The following CTSH variants were observed in gnomAD, a reference collection of about 807,000 sequenced individuals.
CTSH encodes cathepsin H.
A neutral mutation model predicts 56.3 loss-of-function variants in CTSH; 52 were observed. The observed-to-expected ratio is 0.92, with a 90% confidence interval of 0.74 to 1.16. The LOEUF (loss-of-function observed/expected upper bound fraction) is 1.16. CTSH is among the 50% of genes most tolerant of loss of function. The pLI is 0.00. For synonymous variants in CTSH, 174 were observed against 155.7 expected, an observed-to-expected ratio of 1.12 and a Z score of -0.88; for missense variants, 406 against 424.5, an observed-to-expected ratio of 0.96 and a Z score of 0.38.
chr15:78,928,584 AAAAAAG>A (rs58320931), intron 8 of CTSH, among the ~76,000 whole-genome samples: 13,131 of 141,494 alleles, frequency 0.093, 611 homozygotes, highest in East Asian at 0.19. Flanking sequence ...AAAAAAAAAA[AAAAAAG>A]AAGGGAGAGT....
At chr15:78,924,854 T>C (rs1483431051) in intron 10 of CTSH, among the ~76,000 whole-genome samples, 1 of 140,476 alleles carries the variant, frequency 7.1e-6, no homozygotes, top group Non-Finnish European at 1.5e-5. Flanking sequence ...CACGCTGGCT[T>C]TTTTTTTTTT....
Position 78,941,664 on chromosome 15 carries a change from C to T in CTSH, c.92-2493G>A, listed in dbSNP as rs540529931. On this transcript the variant is annotated intron_variant, in intron 1 of 11. Transcript: ENST00000220166. ...AAAACAAATTAGCCGGGCGTGGTGGCGGGCGCCTGCAGTCCCAGCTACTCA... is the reference window on the plus strand; with the variant it reads ...AAAACAAATTAGCCGGGCGTGGTGGTGGGCGCCTGCAGTCCCAGCTACTCA... Among the ~76,000 whole-genome samples the T allele has an allele frequency of 5.9e-5, 9 of 151,690 alleles. No individual in the cohort carries two copies. In the South Asian group the frequency reaches 6.2e-4, roughly 11 times the overall value.
rs540838107 is a variant in CTSH, at chr15:78,945,041, T to C, written c.-60A>G. 8 of 1,323,892 alleles carry C rather than the reference T, an allele frequency of 6.0e-6. No individual in the cohort carries two copies. Among genetic ancestry groups the C allele is most frequent in the East Asian group, 3.3e-5 (1 of 30,006 alleles). 82.0% of individuals were successfully genotyped at this position (1,323,892 alleles called of 1,614,324 possible). On this transcript the variant is annotated 5_prime_UTR_variant, in exon 1 of 12. Transcript: ENST00000220166. The stretch of plus-strand genomic sequence containing the variant: ...TCCGCGGAGGTGGCGGCCCAGAGCG[T>C]CAACTGGGAGCGCGGGGGGGGAGCG...
At position 78,924,686 on chromosome 15, in the gene CTSH, A is replaced by G. The variant is rs145416677; in HGVS notation, c.806+648T>C. On this transcript the variant is annotated intron_variant, in intron 10 of 11. Transcript: ENST00000220166. The stretch of plus-strand genomic sequence containing the variant: ...ATTTTACGTCTTCAAATCTTTAAAC[A>G]TGGGTATTTTTTTTTTTTTCTGAGA... 7.7e-5 allele frequency among the ~76,000 whole-genome samples: 10 copies of G among 129,904 alleles called. No homozygotes were observed. The East Asian group carries it at 1.9e-3, about 25-fold the overall frequency. The allele number at this position is 129,904 out of a possible 152,430, so 85.2% of individuals were successfully genotyped here. A position where few individuals can be genotyped will look rare whatever the true frequency, so the allele number is the denominator to read the frequency against.
At position 78,935,100 on chromosome 15, in the gene CTSH, A is replaced by G. The variant is rs1461770538; in HGVS notation, c.301-18T>C. 4.5e-6 allele frequency: 7 copies of G among 1,552,762 alleles called. No individual in the cohort carries two copies. Among genetic ancestry groups the G allele is most frequent in the South Asian group, 2.2e-5 (2 of 89,182 alleles). ...GAGCAATTCTGGAACAACCAAACAC[A>G]TTATTTTCAGGAAAATAAACAAAAC... On this transcript the variant is annotated intron_variant, in intron 4 of 11. Coordinates refer to ENST00000220166, the MANE Select transcript of CTSH (RefSeq NM_004390.5).
chr15:78,932,432 G>A lies in CTSH; in HGVS notation c.432C>T (p.Phe144=). The change falls in exon 6 of 12, where the codon TTC becomes TTT. Residue 144 remains phenylalanine, a synonymous_variant. Coordinates refer to ENST00000220166, the MANE Select transcript of CTSH (RefSeq NM_004390.5). ...NQGACGSCWT[F]STTGALESAI... ...CAGACTCCAGGGCCCCAGTGGTGGA[G>A]AAAGTCCAGCAACTGCCGCAGGCAC... 3 of 1,614,086 alleles carry A rather than the reference G, an allele frequency of 1.9e-6. No homozygotes were observed. The highest frequency in any genetic ancestry group is 1.7e-6 in the Non-Finnish European group (2 of 1,179,972).
chr15:78,936,165 TTTTTC>T (rs1226534003), intron 3 of CTSH, among the ~76,000 whole-genome samples: 4 of 147,136 alleles, frequency 2.7e-5, no homozygotes, highest in Admixed American at 7.2e-5. Flanking sequence ...TCATTTCTGC[TTTTTC>T]TTTTCTTTTC....
At chr15:78,924,059 G>A (rs572254444) in intron 10 of CTSH, among the ~76,000 whole-genome samples, 98 of 133,566 alleles carry the variant, frequency 7.3e-4, no homozygotes, top group Middle Eastern at 3.9e-3. Context: ...GTGGGAGGGC[G>A]ACAGAGCCCC....
intron 11 of CTSH, 148 bp downstream of exon 11, chr15:78,922,845 C>T: frequency 1.1e-6 from 1 of 935,712 alleles, no homozygotes. Flanking sequence ...GCTACATTCT[C>T]ATGCTCCCTT....
At chr15:78,937,024 C>CAAAG (rs1688459329) in intron 3 of CTSH, 1 of 393,308 alleles carries the variant, frequency 2.5e-6, no homozygotes, top group Non-Finnish European at 4.7e-6. Context: ...CGCAACAATC[C>CAAAG]AAAGACAGAC....
chr15:78,928,824 C>G (rs1042767078), intron 8 of CTSH, among the ~76,000 whole-genome samples: 3 of 151,962 alleles, frequency 2.0e-5, no homozygotes, highest in African/African-American at 7.3e-5. Flanking sequence ...AGGCTGGCGG[C>G]AGGGTGGGGT....
intron 9 of CTSH, chr15:78,927,499 C>T: frequency 1.8e-6 from 1 of 566,176 alleles, no homozygotes; most frequent in Admixed American, 3.1e-5. Flanking sequence ...ATCTGGAGTT[C>T]AGAACCAGAG....
intron 11 of CTSH, 135 bp downstream of exon 11, chr15:78,922,858 C>G: frequency 9.4e-7 from 1 of 1,058,876 alleles, no homozygotes; most frequent in Non-Finnish European, 1.3e-6. Context: ...GCTCCCTTTC[C>G]CCCTGGCCTG....
At chr15:78,927,622 T>C in intron 9 of CTSH, 91 bp downstream of exon 9, 1 of 1,114,960 alleles carries the variant, frequency 9.0e-7, no homozygotes. Flanking sequence ...CCAGAAGGGC[T>C]GCCTTGCTGG....
At chr15:78,926,456 AGAGGGCT>A in intron 9 of CTSH, 1 of 152,362 alleles carries the variant, frequency 6.6e-6, no homozygotes, top group Non-Finnish European at 1.5e-5. Flanking sequence ...GGCCTGCCCA[AGAGGGCT>A]GAATGCTAGT....
intron 1 of CTSH, among the ~76,000 whole-genome samples, chr15:78,942,362 A>G (rs541808850): frequency 4.9e-4 from 74 of 151,994 alleles, no homozygotes; most frequent in African/African-American, 1.7e-3. Context: ...ACAGGTGCCC[A>G]CCACCACGCC....
intron 6 of CTSH, chr15:78,931,750 C>T: frequency 7.0e-7 from 1 of 1,419,646 alleles, no homozygotes; most frequent in Non-Finnish European, 9.2e-7. Flanking sequence ...TGAGAGGGGG[C>T]AAGGGCTGTT....
Position 78,939,095 on chromosome 15 carries a change from C to G in CTSH, c.123+45G>C, listed in dbSNP as rs764132247. 1.9e-6 allele frequency: 3 copies of G among 1,550,716 alleles called. No homozygotes were observed. The East Asian group carries it at 6.7e-5, about 35-fold the overall frequency. On this transcript the variant is annotated intron_variant, in intron 2 of 11. Transcript: ENST00000220166. Reference sequence around the variant, plus strand: ...GACAGTTTGGTTTGATAACAGGAAACTTTGTGAAATGAAAAACTTCAAAAA... The same window carrying G: ...GACAGTTTGGTTTGATAACAGGAAAGTTTGTGAAATGAAAAACTTCAAAAA...
chr15:78,923,011 G>T lies in CTSH; in HGVS notation c.914C>A (p.Pro305His). Residue 305 changes from proline to histidine, a missense_variant, in exon 11 of 12, where the codon CCC becomes CAC. By Grantham distance (77) the Pro-to-His change is moderately conservative. Coordinates refer to ENST00000220166, the MANE Select transcript of CTSH (RefSeq NM_004390.5). ...PYWIVKNSWG[P>H]QWGMNGYFLI... The stretch of plus-strand genomic sequence containing the variant: ...TGCTTACCCGTTCATTCCCCACTGG[G>T]GACCCCAAGAGTTTTTCACGATCCA... The T allele has an allele frequency of 1.2e-6, 2 of 1,611,552 alleles. No homozygotes were observed. The highest frequency in any genetic ancestry group is 8.5e-7 in the Non-Finnish European group (1 of 1,179,160).
Sources: gnomAD v4.1 joint callset for allele counts (sites outside exome capture counted in the v4.1 genomes callset) on GRCh38, gnomAD v4.1.1 for gene constraint, MANE v1.5 for transcripts, NCBI Gene and HGNC (gene_info 2026-07-23, HGNC 2026-07-21) for gene names.